The following CACNA1B variants were observed in gnomAD, a reference collection of about 807,000 sequenced individuals.
CACNA1B encodes voltage-dependent N-type calcium channel subunit alpha-1B.
A neutral mutation model predicts 247.2 loss-of-function variants in CACNA1B; 70 were observed. That is an observed-to-expected ratio of 0.28 (90% CI 0.23 to 0.35). The LOEUF is 0.35. Ranked by LOEUF, CACNA1B falls within the 10% of genes least tolerant of loss-of-function variation. The probability of loss-of-function intolerance (pLI) is 1.00; values close to 1 mark genes in which losing one functional copy is unlikely to be tolerated. For missense variants in CACNA1B, 2,367 were observed against 3,197.4 expected, an observed-to-expected ratio of 0.74 and a Z score of 6.26; for synonymous variants, 1,231 against 1,294.4, an observed-to-expected ratio of 0.95 and a Z score of 1.05.
chr9:138,043,860 G>A lies in CACNA1B; in HGVS notation c.3373G>A (p.Val1125Ile), dbSNP rs570718684. Reference sequence around the variant, plus strand: ...GATGAGGAGCGGCCCCCGGCCTATCGTCCCATACAGCTCCATGTTCTGTTT... The same window carrying A: ...GATGAGGAGCGGCCCCCGGCCTATCATCCCATACAGCTCCATGTTCTGTTT... ...DVMRSGPRPI[V>I]PYSSMFCLSP... Residue 1125 changes from valine (V) to isoleucine (I), a missense_variant, in exon 21 of 47, where the codon GTC (valine) becomes ATC (isoleucine). Physicochemically the swap from Val to Ile is conservative, Grantham distance 29 (BLOSUM62 3). Around this residue, in one of 12 missense-constraint regions of CACNA1B, gnomAD observed 631 missense variants for 631.1 expected, o/e 1.00. Coordinates refer to ENST00000371372, the MANE Select transcript of CACNA1B (RefSeq NM_000718.4). 2.4e-5 allele frequency: 39 copies of A among 1,613,998 alleles called. No homozygotes were observed. The highest frequency in any genetic ancestry group is 3.3e-5 in the Admixed American group (2 of 60,024).
At position 137,917,885 on chromosome 9, in the gene CACNA1B, G is replaced by A. The variant is rs1057494036; in HGVS notation, c.966+454G>A. On this transcript the variant is annotated intron_variant, in intron 6 of 46. Transcript: ENST00000371372. The surrounding 1 kb of genome is among the most constrained non-coding windows in gnomAD (Gnocchi z 5.5). The stretch of plus-strand genomic sequence containing the variant: ...GAAGCTGACTAACTTTCTCCAGCCC[G>A]AGGACCATGGGCAGCTGTTGCTGTG... Among the ~76,000 whole-genome samples the A allele has an allele frequency of 2.0e-5, 3 of 152,196 alleles. No homozygotes were observed. The highest frequency in any genetic ancestry group is 7.2e-5 in the African/African-American group (3 of 41,450).
intron 3 of CACNA1B, among the ~76,000 whole-genome samples, chr9:137,883,457 A>G (rs1470407088): frequency 6.6e-6 from 1 of 151,972 alleles, no homozygotes; most frequent in East Asian, 1.9e-4. Context: ...TTACCCTAAC[A>G]ACAGCTTGTG....
At chr9:137,949,179 G>T (rs1957843167) in intron 6 of CACNA1B, among the ~76,000 whole-genome samples, 1 of 134,316 alleles carries the variant, frequency 7.4e-6, no homozygotes, top group Non-Finnish European at 1.6e-5. Flanking sequence ...TGTGTGTCCA[G>T]TGTGTGTGTA....
chr9:138,058,369 C>A lies in CACNA1B; in HGVS notation c.4308+119C>A. On this transcript the variant is annotated intron_variant, in intron 28 of 46. Transcript: ENST00000371372. The surrounding 1 kb of genome is among the most constrained non-coding windows in gnomAD (Gnocchi z 4.7). ...CTTTGGCTGCCACCGTCTGCCAACA[C>A]AGGGGCAGGTCCTCCTTTCTCCTGC... 3 of 1,012,998 alleles carry A rather than the reference C, an allele frequency of 3.0e-6. No individual in the cohort carries two copies. Among genetic ancestry groups the A allele is most frequent in the Non-Finnish European group, 4.5e-6 (3 of 659,456 alleles). 62.8% of individuals were successfully genotyped at this position (1,012,998 alleles called of 1,614,324 possible). A position where few individuals can be genotyped will look rare whatever the true frequency, so the allele number is the denominator to read the frequency against.
rs1554917500 is a variant in CACNA1B, at chr9:137,877,787, A to AAGC, written c.-147_-146insAGC. ...TGGCGCGGGGCCGCGGAGTCGGGTG[A>AAGC]GGCGGCGGCGGCTGCGGCGGTGGGG... is the stretch of plus-strand genomic sequence containing the variant. On this transcript the variant is annotated 5_prime_UTR_variant, in exon 1 of 47. Coordinates refer to ENST00000371372, the MANE Select transcript of CACNA1B (RefSeq NM_000718.4). 11 of 260,180 alleles carry AAGC rather than the reference A, an allele frequency of 4.2e-5. No individual in the cohort carries two copies. Among genetic ancestry groups the AAGC allele is most frequent in the Non-Finnish European group, 5.9e-5 (10 of 169,610 alleles). The allele number at this position is 260,180 out of a possible 1,614,324, so 16.1% of individuals were successfully genotyped here. A position where few individuals can be genotyped will look rare whatever the true frequency, so the allele number is the denominator to read the frequency against.
At chr9:137,923,847 A>G (rs1241150144) in intron 6 of CACNA1B, among the ~76,000 whole-genome samples, 1 of 152,196 alleles carries the variant, frequency 6.6e-6, no homozygotes, top group East Asian at 1.9e-4. Flanking sequence ...TGATAGGGGT[A>G]TAGTGACACA....
rs889491183 is a variant in CACNA1B, at chr9:138,007,530, T to A, written c.2092+646T>A. ...CAGGCAGTGTGAGTGGGTCCCCCTGTAGCTGGGGTGGGAAGTTCAGGCCTA... is the reference window on the plus strand; with the variant it reads ...CAGGCAGTGTGAGTGGGTCCCCCTGAAGCTGGGGTGGGAAGTTCAGGCCTA... On this transcript the variant is annotated intron_variant, in intron 16 of 46. Transcript: ENST00000371372. The surrounding 1 kb of genome is among the most constrained non-coding windows in gnomAD (Gnocchi z 4.1). Among the ~76,000 whole-genome samples, 10 of 152,276 alleles carry A rather than the reference T, an allele frequency of 6.6e-5. No individual in the cohort carries two copies. Among genetic ancestry groups the A allele is most frequent in the South Asian group, 2.1e-4 (1 of 4,834 alleles).
intron 15 of CACNA1B, among the ~76,000 whole-genome samples, chr9:137,994,958 A>T (rs1355244733): frequency 6.6e-6 from 1 of 152,150 alleles, no homozygotes; most frequent in East Asian, 1.9e-4. Context: ...TAATCCCAGC[A>T]CTTTGGAAGG....
chr9:138,087,772 AAT>A (rs1463571241), intron 36 of CACNA1B, among the ~76,000 whole-genome samples: 1 of 151,438 alleles, frequency 6.6e-6, no homozygotes, highest in African/African-American at 2.4e-5. Context: ...ATATTGAAAC[AAT>A]AAAAATAGAA....
chr9:137,902,702 CTTTTTCGGTGTGTAGG>C (rs1181445389), intron 3 of CACNA1B, among the ~76,000 whole-genome samples: 1 of 152,198 alleles, frequency 6.6e-6, no homozygotes, highest in African/African-American at 2.4e-5. Flanking sequence ...TCCTTCCAAG[CTTTTTCGGTGTGTAGG>C]TTTTTAAATA....
At chr9:138,076,762 T>G (rs1589114363) in intron 35 of CACNA1B, among the ~76,000 whole-genome samples, 1 of 152,334 alleles carries the variant, frequency 6.6e-6, no homozygotes, top group South Asian at 2.1e-4. Flanking sequence ...TTTTAGGGAT[T>G]TGCCATTTCA....
chr9:138,068,944 C>T (rs951178220), intron 31 of CACNA1B, among the ~76,000 whole-genome samples: 2 of 152,216 alleles, frequency 1.3e-5, no homozygotes, highest in Non-Finnish European at 2.9e-5. Context: ...GCGAGACAGT[C>T]GAGGCCGGGC....
In CACNA1B at chr9:137,954,603, C is replaced by T. The variant is rs1957922343; in HGVS notation, c.1071-1095C>T. ...CCCTCTCATTCTCAGGGCATGGCCA[C>T]AGGGATTGGTCTGGGTGGGGAGGCC... On this transcript the variant is annotated intron_variant, in intron 7 of 46. Coordinates refer to ENST00000371372, the MANE Select transcript of CACNA1B (RefSeq NM_000718.4). The surrounding 1 kb of genome is among the most constrained non-coding windows in gnomAD (Gnocchi z 4.1). Among the ~76,000 whole-genome samples, 2 of 152,144 alleles carry T rather than the reference C, an allele frequency of 1.3e-5. No individual in the cohort carries two copies. Among genetic ancestry groups the T allele is most frequent in the Admixed American group, 1.3e-4 (2 of 15,288 alleles).
chr9:137,921,383 TG>T lies in CACNA1B; in HGVS notation c.966+3955del, dbSNP rs1180096774. Reference sequence around the variant, plus strand: ...TCAGCACCACGGCCGCGCAGCATCCTGGGAGCAGAGTAAAGCGTTCGGAGAA... The same window carrying T: ...TCAGCACCACGGCCGCGCAGCATCCTGGAGCAGAGTAAAGCGTTCGGAGAA... On this transcript the variant is annotated intron_variant, in intron 6 of 46. Coordinates refer to ENST00000371372, the MANE Select transcript of CACNA1B (RefSeq NM_000718.4). Among the ~76,000 whole-genome samples, 9 of 150,198 alleles carry T rather than the reference TG, an allele frequency of 6.0e-5. No homozygotes were observed. In the East Asian group the frequency reaches 1.6e-3, roughly 26 times the overall value.
Position 138,073,055 on chromosome 9 carries a change from G to T in CACNA1B, c.4675-433G>T, listed in dbSNP as rs535416089. On this transcript the variant is annotated intron_variant, in intron 32 of 46. Coordinates refer to ENST00000371372, the MANE Select transcript of CACNA1B (RefSeq NM_000718.4). The surrounding 1 kb of genome is among the most constrained non-coding windows in gnomAD (Gnocchi z 6.4). ...GCATAGCCGTGAAGCCTGGGCGGGG[G>T]TCCCTTCCGGGGTGCTGGGTGGAGA... Among the ~76,000 whole-genome samples the T allele has an allele frequency of 1.5e-4, 23 of 152,288 alleles. No homozygotes were observed. Among genetic ancestry groups the T allele is most frequent in the African/African-American group, 5.5e-4 (23 of 41,550 alleles).
intron 42 of CACNA1B, among the ~76,000 whole-genome samples, chr9:138,116,811 C>G (rs1407639549): frequency 2.0e-5 from 3 of 152,186 alleles, no homozygotes; most frequent in Non-Finnish European, 4.4e-5. Context: ...ACCACCCCTC[C>G]TCTCAGCACC....
intron 3 of CACNA1B, among the ~76,000 whole-genome samples, chr9:137,911,946 G>T (rs1029133810): frequency 1.3e-5 from 2 of 152,232 alleles, no homozygotes; most frequent in Non-Finnish European, 2.9e-5. Context: ...GCGATCCGCT[G>T]AGGGGAACAA....
Position 137,882,396 on chromosome 9 carries a change from GC to G in CACNA1B, c.391-347del, listed in dbSNP as rs1343460272. Among the ~76,000 whole-genome samples, 1 of 152,210 alleles carries G rather than the reference GC, an allele frequency of 6.6e-6. No individual in the cohort carries two copies. The highest frequency in any genetic ancestry group is 1.5e-5 in the Non-Finnish European group (1 of 68,038). On this transcript the variant is annotated intron_variant, in intron 2 of 46. Coordinates refer to ENST00000371372, the MANE Select transcript of CACNA1B (RefSeq NM_000718.4). This position sits in a 1 kb window ranked among gnomAD's most constrained non-coding sequence, Gnocchi z 4.0. ...CTGTTACATCACTGTCTTCCCCGAA[GC>G]AAGGCCCACTGCATGGTGCTAGCAG...
At position 138,110,998 on chromosome 9, in the gene CACNA1B, C is replaced by T. The variant is rs74312743; in HGVS notation, c.5429-1400C>T. On this transcript the variant is annotated intron_variant, in intron 39 of 46. Coordinates refer to ENST00000371372, the MANE Select transcript of CACNA1B (RefSeq NM_000718.4). The stretch of plus-strand genomic sequence containing the variant: ...GAATTTAAAAAAAAAAAAACCACAA[C>T]GAGATTACACTCCAGTCTACTGGAG... Among the ~76,000 whole-genome samples, 404 of 151,170 alleles carry T rather than the reference C, an allele frequency of 2.7e-3. 5 individuals are homozygous for T. The East Asian group carries it at 0.037, about 14-fold the overall frequency.
Sources: allele counts gnomAD v4.1 joint callset (sites outside exome capture counted in the v4.1 genomes callset), GRCh38; gene constraint gnomAD v4.1.1; regional missense constraint gnomAD v4.1.1; non-coding constraint Gnocchi (gnomAD v3.1); transcripts MANE v1.5; gene names NCBI Gene and HGNC (gene_info 2026-07-23, HGNC 2026-07-21).